Variants in CCBE1 observed in about 807,000 individuals in gnomAD.
The protein encoded by CCBE1 is collagen and calcium binding EGF domains 1, also known as collagen and calcium-binding EGF domain-containing protein 1.
A neutral mutation model predicts 50.0 loss-of-function variants in CCBE1; 37 were observed. The observed-to-expected ratio is 0.74, with a 90% CI of 0.57 to 0.97. CCBE1 has a LOEUF of 0.97. Ranked by LOEUF, CCBE1 falls within the 50% of genes least tolerant of loss-of-function variation. The probability of loss-of-function intolerance (pLI) is 0.00; values close to 1 mark genes in which losing one functional copy is unlikely to be tolerated. For missense variants in CCBE1, 538 were observed against 523.8 expected (o/e 1.03, Z -0.26); for synonymous variants, 234 against 203.7 (o/e 1.15, Z -1.27).
chr18:59,466,860 C>A lies in CCBE1; in HGVS notation c.432G>T (p.Thr144=), dbSNP rs766221977. The change falls in exon 5 of 11, where the codon ACG becomes ACT. Residue 144 remains threonine, a synonymous_variant. Coordinates refer to ENST00000439986, the MANE Select transcript of CCBE1 (RefSeq NM_133459.4). ...TATTGATGCAGATGTGGGCACACAG[C>A]GTCCCATTGCTGCTGGCACACTCAT... ...DIDECASSNG[T]LCAHICINTL... 1.1e-4 allele frequency: 177 copies of A among 1,613,170 alleles called. No homozygotes were observed. Among genetic ancestry groups the A allele is most frequent in the Non-Finnish European group, 1.4e-4 (169 of 1,179,676 alleles).
At chr18:59,653,117 G>C (rs187226520) in intron 2 of CCBE1, among the ~76,000 whole-genome samples, 1 of 152,328 alleles carries the variant, frequency 6.6e-6, no homozygotes, top group Admixed American at 6.5e-5. Context: ...CAAAAAGTCA[G>C]CATGTATACG....
At chr18:59,473,019 G>A (rs894933441) in intron 3 of CCBE1, among the ~76,000 whole-genome samples, 1 of 152,154 alleles carries the variant, frequency 6.6e-6, no homozygotes, top group Admixed American at 6.5e-5. Flanking sequence ...ACCTGGCCCT[G>A]CCCTTGACAC....
At chr18:59,655,485 C>G (rs1009735002) in intron 2 of CCBE1, among the ~76,000 whole-genome samples, 5 of 152,190 alleles carry the variant, frequency 3.3e-5, no homozygotes, top group Non-Finnish European at 5.9e-5. Flanking sequence ...AATTCAGTTT[C>G]TCTCCACAGG....
At chr18:59,541,400 A>C (rs1915460329) in intron 2 of CCBE1, among the ~76,000 whole-genome samples, 2 of 152,210 alleles carry the variant, frequency 1.3e-5, no homozygotes, top group African/African-American at 4.8e-5. Context: ...TAAATAATTT[A>C]AGTAGAGCCT....
intron 2 of CCBE1, among the ~76,000 whole-genome samples, chr18:59,491,038 T>C (rs189653503): frequency 2.6e-5 from 4 of 152,312 alleles, no homozygotes; most frequent in Admixed American, 2.6e-4. Context: ...GTAACAATTG[T>C]GGGATCCAAC....
chr18:59,642,751 C>T (rs548417457), intron 2 of CCBE1, among the ~76,000 whole-genome samples: 1 of 151,974 alleles, frequency 6.6e-6, no homozygotes, highest in Admixed American at 6.6e-5. Flanking sequence ...AGTTCGAGAG[C>T]AGCCTGGCCA....
At position 59,695,683 on chromosome 18, in the gene CCBE1, T is replaced by C. The variant is rs1415629704; in HGVS notation, c.212+946A>G. ...CTACAACCTTATAAGGAATAAAACATTGTTTTCTTTCAAGTTCGTTTCTAG... is the reference window on the plus strand; with the variant it reads ...CTACAACCTTATAAGGAATAAAACACTGTTTTCTTTCAAGTTCGTTTCTAG... On this transcript the variant is annotated intron_variant, in intron 2 of 10. Transcript: ENST00000439986. Among the ~76,000 whole-genome samples the C allele has an allele frequency of 2.0e-5, 3 of 152,262 alleles. No individual in the cohort carries two copies. In the East Asian group the frequency reaches 5.8e-4, roughly 29 times the overall value.
chr18:59,641,402 C>G (rs1327671105), intron 2 of CCBE1, among the ~76,000 whole-genome samples: 3 of 152,036 alleles, frequency 2.0e-5, no homozygotes, highest in African/African-American at 7.2e-5. Flanking sequence ...ACATCGTGTC[C>G]ATATGGACAC....
At chr18:59,662,387 G>T (rs772200524) in intron 2 of CCBE1, among the ~76,000 whole-genome samples, 5 of 152,154 alleles carry the variant, frequency 3.3e-5, no homozygotes. Context: ...AATTTACAAC[G>T]TATATTACAA....
intron 2 of CCBE1, among the ~76,000 whole-genome samples, chr18:59,503,975 C>G (rs1275051394): frequency 6.6e-6 from 1 of 152,174 alleles, no homozygotes; most frequent in Non-Finnish European, 1.5e-5. Context: ...TCCATCCCGG[C>G]TGTGAACTCC....
intron 2 of CCBE1, among the ~76,000 whole-genome samples, chr18:59,596,493 G>T (rs778424539): frequency 3.9e-5 from 6 of 152,130 alleles, no homozygotes; most frequent in Non-Finnish European, 7.3e-5. Context: ...AGCATGCTAG[G>T]TCTAGACTGA....
intron 2 of CCBE1, among the ~76,000 whole-genome samples, chr18:59,640,868 C>G (rs1439659957): frequency 6.6e-6 from 1 of 152,086 alleles, no homozygotes; most frequent in Admixed American, 6.6e-5. Context: ...TGATGCATGG[C>G]CAAGAAGCAT....
At chr18:59,586,761 A>T (rs1036298740) in intron 2 of CCBE1, among the ~76,000 whole-genome samples, 2 of 152,238 alleles carry the variant, frequency 1.3e-5, no homozygotes, top group Non-Finnish European at 2.9e-5. Flanking sequence ...TAGAGAAACC[A>T]TGAAAACACA....
chr18:59,550,235 C>T (rs1915864598), intron 2 of CCBE1, among the ~76,000 whole-genome samples: 1 of 152,100 alleles, frequency 6.6e-6, no homozygotes, highest in African/African-American at 2.4e-5. Flanking sequence ...AAACTATGAC[C>T]CATGGACCAA....
At chr18:59,678,218 G>A (rs541270537) in intron 2 of CCBE1, among the ~76,000 whole-genome samples, 13 of 152,304 alleles carry the variant, frequency 8.5e-5, no homozygotes, top group Non-Finnish European at 1.2e-4. Flanking sequence ...TTCTTACAGC[G>A]ATGGAGGCAA....
At chr18:59,506,449 A>G (rs1913876579) in intron 2 of CCBE1, among the ~76,000 whole-genome samples, 1 of 152,240 alleles carries the variant, frequency 6.6e-6, no homozygotes. Flanking sequence ...AAACTAAGAC[A>G]CCACTTCACT....
upstream of CCBE1, chr18:59,697,696 C>G (rs561577330): frequency 4.2e-6 from 1 of 236,302 alleles, no homozygotes; most frequent in African/African-American, 2.3e-5. Context: ...CTTCCCTCTC[C>G]CTCCTCTGGG....
At chr18:59,511,978 G>A (rs567479165) in intron 2 of CCBE1, among the ~76,000 whole-genome samples, 3 of 152,246 alleles carry the variant, frequency 2.0e-5, no homozygotes, top group South Asian at 4.2e-4. Flanking sequence ...TGAGGCTCAT[G>A]TATCCTTCAT....
intron 2 of CCBE1, among the ~76,000 whole-genome samples, chr18:59,532,841 T>C (rs1915103187): frequency 6.6e-6 from 1 of 152,212 alleles, no homozygotes; most frequent in South Asian, 2.1e-4. Flanking sequence ...ATAAAATTGT[T>C]CTGGAGGCTA....
Sources: allele counts gnomAD v4.1 joint callset (sites outside exome capture counted in the v4.1 genomes callset), GRCh38; gene constraint gnomAD v4.1.1; transcripts MANE v1.5; gene names NCBI Gene and HGNC (gene_info 2026-07-23, HGNC 2026-07-21).